The following ARMH4 variants were observed in gnomAD, a reference collection of about 807,000 sequenced individuals.
The protein encoded by ARMH4 is armadillo-like helical domain-containing protein 4.
In ARMH4, 49 loss-of-function variants were observed where a neutral mutation model predicts 61.9. That is an observed-to-expected ratio of 0.79 (90% confidence interval 0.63 to 1.00). ARMH4 has a LOEUF of 1.00. Ranked by LOEUF, ARMH4 falls within the 50% of genes least tolerant of loss-of-function variation. The pLI is 0.00. For missense variants in ARMH4, 934 were observed against 930.0 expected (o/e 1.00, Z -0.06); for synonymous variants, 368 against 341.5 (o/e 1.08, Z -0.85).
intron 5 of ARMH4, among the ~76,000 whole-genome samples, chr14:58,014,458 A>G (rs1271722196): frequency 6.6e-6 from 1 of 152,166 alleles, no homozygotes; most frequent in African/African-American, 2.4e-5. Context: ...CAGCTTCCTT[A>G]TATAGAGAGA....
At chr14:58,024,424 G>C (rs1288947255) in intron 5 of ARMH4, among the ~76,000 whole-genome samples, 1 of 152,096 alleles carries the variant, frequency 6.6e-6, no homozygotes, top group Middle Eastern at 3.2e-3. Flanking sequence ...GAATTTAAGA[G>C]AGTTAGGGTC....
intron 4 of ARMH4, among the ~76,000 whole-genome samples, chr14:58,122,958 C>T (rs1339018229): frequency 6.6e-6 from 1 of 152,068 alleles, no homozygotes; most frequent in Non-Finnish European, 1.5e-5. Flanking sequence ...GTATGCTTCA[C>T]CATTGAGGGC....
At chr14:58,119,836 T>C (rs954490877) in intron 4 of ARMH4, among the ~76,000 whole-genome samples, 16 of 152,238 alleles carry the variant, frequency 1.1e-4, no homozygotes, top group African/African-American at 3.9e-4. Context: ...TATGACTTGG[T>C]TGATTGCACG....
intron 4 of ARMH4, among the ~76,000 whole-genome samples, chr14:58,127,932 C>A (rs550899220): frequency 2.0e-5 from 3 of 152,236 alleles, no homozygotes; most frequent in African/African-American, 7.2e-5. Flanking sequence ...TTCTTATCTC[C>A]CATATGTTCT....
At chr14:58,080,790 G>T (rs781704640) in intron 5 of ARMH4, among the ~76,000 whole-genome samples, 3 of 152,018 alleles carry the variant, frequency 2.0e-5, no homozygotes, top group African/African-American at 7.2e-5. Context: ...AAATAATAAA[G>T]AAATGTATAT....
At chr14:58,071,405 T>C (rs965310441) in intron 5 of ARMH4, among the ~76,000 whole-genome samples, 3 of 152,138 alleles carry the variant, frequency 2.0e-5, no homozygotes, top group Non-Finnish European at 2.9e-5. Context: ...CAAATACCGA[T>C]AGAATAACTT....
intron 4 of ARMH4, among the ~76,000 whole-genome samples, chr14:58,119,377 C>G (rs1447809971): frequency 6.6e-6 from 1 of 152,220 alleles, no homozygotes; most frequent in Non-Finnish European, 1.5e-5. Context: ...CAATAAAATT[C>G]TCATGTTTGC....
chr14:58,059,109 G>A (rs1243892551), intron 5 of ARMH4, among the ~76,000 whole-genome samples: 1 of 152,214 alleles, frequency 6.6e-6, no homozygotes, highest in African/African-American at 2.4e-5. Flanking sequence ...GAGGTAGAAA[G>A]AGCAGACAGT....
chr14:58,094,716 A>T (rs901230783), intron 5 of ARMH4, among the ~76,000 whole-genome samples: 2 of 152,228 alleles, frequency 1.3e-5, no homozygotes, highest in Non-Finnish European at 2.9e-5. Context: ...TGTCATTTGT[A>T]CAAAATTCTA....
intron 5 of ARMH4, among the ~76,000 whole-genome samples, chr14:58,055,259 C>A (rs1195497003): frequency 6.6e-6 from 1 of 152,160 alleles, no homozygotes; most frequent in Non-Finnish European, 1.5e-5. Flanking sequence ...TAGATTAATT[C>A]TGAGACAGAA....
intron 4 of ARMH4, among the ~76,000 whole-genome samples, chr14:58,098,724 G>A (rs893316942): frequency 6.6e-6 from 1 of 152,086 alleles, no homozygotes; most frequent in African/African-American, 2.4e-5. Flanking sequence ...GGGAGGCACA[G>A]GGCAAATACA....
intron 5 of ARMH4, among the ~76,000 whole-genome samples, chr14:58,050,072 A>C (rs763061699): frequency 1.3e-5 from 2 of 152,194 alleles, no homozygotes; most frequent in Non-Finnish European, 2.9e-5. Flanking sequence ...TCAAACCTGG[A>C]TTTCTCAGTA....
At chr14:58,029,366 T>C (rs1883142152) in intron 5 of ARMH4, among the ~76,000 whole-genome samples, 1 of 152,080 alleles carries the variant, frequency 6.6e-6, no homozygotes, top group Admixed American at 6.5e-5. Context: ...CCCCAGTAGC[T>C]GGGATTACAG....
chr14:58,015,769 A>AAG (rs1566540676), intron 5 of ARMH4, among the ~76,000 whole-genome samples: 6 of 149,798 alleles, frequency 4.0e-5, no homozygotes, highest in African/African-American at 1.5e-4. Flanking sequence ...AAAAAAAAAA[A>AAG]AAGATGATGG....
intron 5 of ARMH4, among the ~76,000 whole-genome samples, chr14:58,062,993 G>A (rs1884580428): frequency 1.3e-5 from 2 of 152,218 alleles, no homozygotes; most frequent in African/African-American, 4.8e-5. Context: ...CTTAAACAAT[G>A]GAAATTTATT....
At chr14:58,116,310 G>A (rs1217083541) in intron 4 of ARMH4, 1 of 226,124 alleles carries the variant, frequency 4.4e-6, no homozygotes, top group African/African-American at 2.3e-5. Flanking sequence ...AAAGGCTTGA[G>A]ACAAGATAGT....
rs138411706 is a variant in ARMH4 at position 58,117,374 on chromosome 14, A to G, written c.1831+14138T>C. ...GTATATAAAAATCCACATATACTCA[A>G]AAGATAAATTATAGGTTGGTTAGGT... On this transcript the variant is annotated intron_variant, in intron 4 of 7. Transcript: ENST00000267485. Among the ~76,000 whole-genome samples, 681 of 152,334 alleles carry G rather than the reference A, an allele frequency of 4.5e-3. 2 individuals are homozygous for G. Among genetic ancestry groups the G allele is most frequent in the African/African-American group, 0.016 (645 of 41,578 alleles).
chr14:58,095,453 A>C (rs1885716867), intron 5 of ARMH4, among the ~76,000 whole-genome samples: 1 of 152,338 alleles, frequency 6.6e-6, no homozygotes, highest in African/African-American at 2.4e-5. Flanking sequence ...CTAAATATTC[A>C]TTCACTTGTT....
chr14:58,032,049 A>C (rs1036986234), intron 5 of ARMH4, among the ~76,000 whole-genome samples: 2 of 152,014 alleles, frequency 1.3e-5, no homozygotes, highest in Non-Finnish European at 2.9e-5. Flanking sequence ...CTTCACACTT[A>C]TTCTTCCTTC....
Sources: allele counts gnomAD v4.1 joint callset (sites outside exome capture counted in the v4.1 genomes callset), GRCh38; gene constraint gnomAD v4.1.1; transcripts MANE v1.5; gene names NCBI Gene and HGNC (gene_info 2026-07-23, HGNC 2026-07-21).